Variants in PTH2R observed in about 807,000 individuals in gnomAD.
The protein encoded by PTH2R is PTH2 receptor.
A neutral mutation model predicts 60.3 loss-of-function variants in PTH2R; 59 were observed. The observed-to-expected ratio is 0.98, with a 90% CI of 0.79 to 1.22. The LOEUF (loss-of-function observed/expected upper bound fraction) is 1.22. Ranked by LOEUF, PTH2R falls within the 50% of genes most tolerant of loss-of-function variation. PTH2R has a pLI of 0.00. For missense variants in PTH2R, 749 were observed against 682.6 expected (o/e 1.10, Z -1.08); for synonymous variants, 256 against 243.8 (o/e 1.05, Z -0.47).
intron 1 of PTH2R, among the ~76,000 whole-genome samples, chr2:208,390,810 C>G (rs1427525772): frequency 6.6e-6 from 1 of 152,106 alleles, no homozygotes; most frequent in Non-Finnish European, 1.5e-5. Flanking sequence ...ATATTTGGCT[C>G]AAAGGGAGAG....
chr2:208,421,749 C>A (rs572007331), intron 1 of PTH2R, among the ~76,000 whole-genome samples: 31 of 152,230 alleles, frequency 2.0e-4, no homozygotes, highest in African/African-American at 7.2e-4. Context: ...TTCATGTGAA[C>A]TTTTTTGAGG....
At chr2:208,442,330 C>T in intron 4 of PTH2R, 34 bp from the exon 5 acceptor site, 2 of 1,426,764 alleles carry the variant, frequency 1.4e-6, no homozygotes. Context: ...GTAAAATAGT[C>T]CCATATCATA....
chr2:208,417,592 G>A (rs1047993987), intron 1 of PTH2R, among the ~76,000 whole-genome samples: 4 of 114,248 alleles, frequency 3.5e-5, no homozygotes, highest in Non-Finnish European at 5.0e-5. Context: ...TCACCCTCTC[G>A]CCCAGGCTGG....
At position 208,493,362 on chromosome 2, in the gene PTH2R, C is replaced by T. The variant is rs375399966; in HGVS notation, c.1356C>T (p.Leu452=). ...PCGSRRCGSV[L]TTVTHSTSSQ... Reference sequence around the variant, plus strand: ...GCAGCCGCAGATGCGGCTCAGTGCTCACCACCGTGACGCACAGCACCAGCA... The same window carrying T: ...GCAGCCGCAGATGCGGCTCAGTGCTTACCACCGTGACGCACAGCACCAGCA... The change falls in exon 13 of 13, where the codon CTC becomes CTT. Residue 452 remains leucine, a synonymous_variant. Transcript: ENST00000272847. 1 of 1,602,568 alleles carries T rather than the reference C, an allele frequency of 6.2e-7. No individual in the cohort carries two copies. Among genetic ancestry groups the T allele is most frequent in the Non-Finnish European group, 8.5e-7 (1 of 1,172,438 alleles).
At chr2:208,388,236 G>A (rs2125880756) in intron 1 of PTH2R, among the ~76,000 whole-genome samples, 1 of 151,492 alleles carries the variant, frequency 6.6e-6, no homozygotes, top group South Asian at 2.1e-4. Flanking sequence ...AGAATGGAAT[G>A]AATCCGGGAG....
intron 8 of PTH2R, among the ~76,000 whole-genome samples, chr2:208,453,407 A>G (rs1200526511): frequency 1.3e-5 from 2 of 152,224 alleles, no homozygotes; most frequent in Non-Finnish European, 2.9e-5. Flanking sequence ...ATTCTACCAT[A>G]TAAATCTTCC....
chr2:208,480,988 GA>G (rs1703133246), intron 9 of PTH2R, 81 bp from the exon 10 acceptor site: 1 of 1,053,376 alleles, frequency 9.5e-7, no homozygotes, highest in Non-Finnish European at 1.4e-6. Context: ...TATTTGAATG[GA>G]AAAAATTTCA....
chr2:208,434,919 A>T (rs1031877103), intron 2 of PTH2R, among the ~76,000 whole-genome samples: 2 of 152,202 alleles, frequency 1.3e-5, no homozygotes, highest in Admixed American at 6.5e-5. Context: ...AGCCAGTGGG[A>T]TGGGCTCCTG....
intron 1 of PTH2R, among the ~76,000 whole-genome samples, chr2:208,365,101 A>G (rs1472978613): frequency 6.6e-6 from 1 of 151,406 alleles, no homozygotes; most frequent in Non-Finnish European, 1.5e-5. Context: ...ATATAAGATC[A>G]TGCCATCTAC....
chr2:208,395,092 G>A (rs1417140981), intron 1 of PTH2R, among the ~76,000 whole-genome samples: 1 of 151,540 alleles, frequency 6.6e-6, no homozygotes, highest in East Asian at 1.9e-4. Flanking sequence ...CTGTTGCCCA[G>A]GCTGGAGTGC....
chr2:208,422,954 A>G (rs1157666220), intron 1 of PTH2R, among the ~76,000 whole-genome samples: 4 of 151,916 alleles, frequency 2.6e-5, no homozygotes, highest in African/African-American at 9.7e-5. Flanking sequence ...TTTCATTTCT[A>G]TAGTTTAATT....
intron 1 of PTH2R, among the ~76,000 whole-genome samples, chr2:208,383,945 G>A (rs547641506): frequency 1.6e-4 from 25 of 152,318 alleles, no homozygotes; most frequent in Admixed American, 3.3e-4. Flanking sequence ...CAGTCCGGGA[G>A]GAGTGAATGG....
intron 12 of PTH2R, among the ~76,000 whole-genome samples, 155 bp downstream of exon 12, chr2:208,490,835 A>C (rs1703388633): frequency 6.6e-6 from 1 of 152,216 alleles, no homozygotes; most frequent in Non-Finnish European, 1.5e-5. Context: ...GAAAAGAAAG[A>C]ATTAGTGCAA....
At chr2:208,469,104 A>G (rs889014483) in intron 9 of PTH2R, among the ~76,000 whole-genome samples, 5 of 152,296 alleles carry the variant, frequency 3.3e-5, no homozygotes, top group African/African-American at 9.6e-5. Flanking sequence ...AGACTTTAAC[A>G]TGTGTTTTGT....
At chr2:208,471,478 T>C (rs1368789722) in intron 9 of PTH2R, among the ~76,000 whole-genome samples, 2 of 152,228 alleles carry the variant, frequency 1.3e-5, no homozygotes, top group Admixed American at 6.5e-5. Flanking sequence ...GGGCCATGGC[T>C]TCAGAGGGTG....
intron 7 of PTH2R, among the ~76,000 whole-genome samples, chr2:208,447,851 T>C (rs1463287992): frequency 2.0e-5 from 3 of 152,076 alleles, no homozygotes; most frequent in African/African-American, 7.2e-5. Context: ...GTCTCAGTTT[T>C]CCCATAAATA....
chr2:208,373,180 TAAGTG>T (rs1268093472), intron 1 of PTH2R, among the ~76,000 whole-genome samples: 8 of 152,144 alleles, frequency 5.3e-5, no homozygotes, highest in South Asian at 2.1e-4. Flanking sequence ...AGTAGAGAGC[TAAGTG>T]AAGTGAAGTG....
At position 208,426,420 on chromosome 2, in the gene PTH2R, T is replaced by C. The variant is rs79523132; in HGVS notation, c.76-1781T>C. On this transcript the variant is annotated intron_variant, in intron 1 of 12. Coordinates refer to ENST00000272847, the MANE Select transcript of PTH2R (RefSeq NM_005048.4). Reference sequence around the variant, plus strand: ...CTATCATTTTAATGTCATTCTATGTTAAACAGTGCTTGTATCTACAACAAA... The same window carrying C: ...CTATCATTTTAATGTCATTCTATGTCAAACAGTGCTTGTATCTACAACAAA... Among the ~76,000 whole-genome samples the C allele has an allele frequency of 1.7e-3, 253 of 152,316 alleles. 12 individuals carry two copies. The East Asian group carries it at 0.032, about 19-fold the overall frequency.
intron 9 of PTH2R, among the ~76,000 whole-genome samples, chr2:208,464,887 A>G (rs1354746241): frequency 2.6e-5 from 4 of 152,280 alleles, no homozygotes; most frequent in African/African-American, 7.2e-5. Flanking sequence ...CACTCATACT[A>G]ACAGGGTACA....
Sources: allele counts gnomAD v4.1 joint callset (sites outside exome capture counted in the v4.1 genomes callset), GRCh38; gene constraint gnomAD v4.1.1; transcripts MANE v1.5; gene names NCBI Gene and HGNC (gene_info 2026-07-23, HGNC 2026-07-21).